KIF26B: variants seen among roughly 807,000 people sequenced by gnomAD.
KIF26B encodes the protein kinesin-like protein KIF26B.
In KIF26B, 63 loss-of-function variants were observed where a neutral mutation model predicts 151.2. The ratio of observed to expected loss-of-function variants is 0.42; its 90% CI spans 0.34 to 0.51. KIF26B has a LOEUF of 0.51. KIF26B is among the 20% of genes least tolerant of loss of function. The pLI, the probability that KIF26B is intolerant of heterozygous loss-of-function variation, is 0.07. For missense variants in KIF26B, 2,813 were observed against 2,913.6 expected (o/e 0.97, Z 0.79); for synonymous variants, 1,357 against 1,262.1 (o/e 1.08, Z -1.59).
At position 245,156,561 on chromosome 1, in the gene KIF26B, A is replaced by AGCG. The variant is rs1175052962; in HGVS notation, c.352_354dup (p.Gly118dup). 2.0e-6 allele frequency: 3 copies of AGCG among 1,532,020 alleles called. No homozygotes were observed. The highest frequency in any genetic ancestry group is 2.6e-6 in the Non-Finnish European group (3 of 1,145,712). The allele number at this position is 1,532,020 out of a possible 1,614,324, so 94.9% of individuals were successfully genotyped here. A position where few individuals can be genotyped will look rare whatever the true frequency, so the allele number is the denominator to read the frequency against. On this transcript the variant is annotated inframe_insertion, in exon 2 of 15. Coordinates refer to ENST00000407071, the MANE Select transcript of KIF26B (RefSeq NM_018012.4). ...CGGCACAGGCTCCCCGGGCTCCGGC[A>AGCG]GCGGCGGCGGCTCCTCCCCCGGCTC... is the stretch of plus-strand genomic sequence containing the variant.
chr1:245,681,300 C>G (rs1029381672), intron 10 of KIF26B, among the ~76,000 whole-genome samples: 3 of 152,052 alleles, frequency 2.0e-5, no homozygotes, highest in Non-Finnish European at 4.4e-5. Flanking sequence ...AGCTCCACCC[C>G]CCGGGTTCAC....
chr1:245,252,363 A>G (rs1670460319), intron 2 of KIF26B, among the ~76,000 whole-genome samples: 1 of 151,110 alleles, frequency 6.6e-6, no homozygotes, highest in Admixed American at 6.6e-5. Context: ...TGTTTTCTTT[A>G]TTACCTTTCG....
At chr1:245,314,332 A>G (rs866415015) in intron 2 of KIF26B, among the ~76,000 whole-genome samples, 10 of 152,188 alleles carry the variant, frequency 6.6e-5, no homozygotes, top group African/African-American at 2.2e-4. Context: ...GGCGCCTGGA[A>G]TCCCAGCTAC....
At chr1:245,520,798 C>T (rs1487414089) in intron 4 of KIF26B, among the ~76,000 whole-genome samples, 1 of 152,182 alleles carries the variant, frequency 6.6e-6, no homozygotes, top group African/African-American at 2.4e-5. Context: ...ACATGCCTTT[C>T]CCTATTAATG....
intron 3 of KIF26B, among the ~76,000 whole-genome samples, chr1:245,379,179 G>A (rs1294248611): frequency 6.6e-6 from 1 of 152,148 alleles, no homozygotes; most frequent in African/African-American, 2.4e-5. Context: ...TTGACATATT[G>A]CCAAAAAATC....
At position 245,616,572 on chromosome 1, in the gene KIF26B, T is replaced by C. The variant is rs1382843054; in HGVS notation, c.2098+4596T>C. On this transcript the variant is annotated intron_variant, in intron 9 of 14. Coordinates refer to ENST00000407071, the MANE Select transcript of KIF26B (RefSeq NM_018012.4). The stretch of plus-strand genomic sequence containing the variant: ...ATACAGATTTCATGTATGTTTCATA[T>C]ATGCCTTATAGACATAGCCTGAAGG... Among the ~76,000 whole-genome samples, 5 of 152,366 alleles carry C rather than the reference T, an allele frequency of 3.3e-5. No homozygotes were observed. In the East Asian group the frequency reaches 9.6e-4, roughly 29 times the overall value.
chr1:245,481,383 C>T (rs1240769348), intron 4 of KIF26B, among the ~76,000 whole-genome samples: 5 of 151,854 alleles, frequency 3.3e-5, no homozygotes, highest in African/African-American at 1.2e-4. Flanking sequence ...CTGAACCATT[C>T]CCGTGCTCAA....
At chr1:245,251,990 T>A (rs1303389514) in intron 2 of KIF26B, among the ~76,000 whole-genome samples, 1 of 152,162 alleles carries the variant, frequency 6.6e-6, no homozygotes, top group African/African-American at 2.4e-5. Flanking sequence ...TATCTGGTCT[T>A]GGCTTGGCCT....
At chr1:245,280,830 C>A (rs1470611200) in intron 2 of KIF26B, among the ~76,000 whole-genome samples, 1 of 107,252 alleles carries the variant, frequency 9.3e-6, no homozygotes, top group Non-Finnish European at 1.8e-5. Context: ...GTTCAGTTCC[C>A]ACCTATGAGT....
chr1:245,169,708 T>G (rs1401450934), intron 2 of KIF26B, among the ~76,000 whole-genome samples: 1 of 152,120 alleles, frequency 6.6e-6, no homozygotes, highest in African/African-American at 2.4e-5. Flanking sequence ...GGGAAGGAAG[T>G]TGCCCGGCTG....
intron 3 of KIF26B, among the ~76,000 whole-genome samples, chr1:245,418,216 C>A (rs1044769428): frequency 6.6e-6 from 1 of 152,148 alleles, no homozygotes; most frequent in African/African-American, 2.4e-5. Context: ...CAAAGGAAGC[C>A]GGAGGAGAGG....
intron 4 of KIF26B, among the ~76,000 whole-genome samples, chr1:245,515,376 T>C (rs996046880): frequency 6.6e-6 from 1 of 152,168 alleles, no homozygotes; most frequent in African/African-American, 2.4e-5. Context: ...TCGACTGTCA[T>C]CTCTGTCTTA....
chr1:245,411,434 G>A (rs1281503355), intron 3 of KIF26B, among the ~76,000 whole-genome samples: 5 of 152,190 alleles, frequency 3.3e-5, no homozygotes, highest in Non-Finnish European at 5.9e-5. Flanking sequence ...AGAGGAAGCC[G>A]TCCCAGGTTA....
At chr1:245,683,017 T>C (rs4658466) in intron 10 of KIF26B, among the ~76,000 whole-genome samples, 105,249 of 152,098 alleles carry the variant, frequency 0.69, 36,870 homozygotes, top group Non-Finnish European at 0.76. Flanking sequence ...GGAAGTGAGC[T>C]TTAGCCCAGC....
chr1:245,270,435 T>C (rs4658451), intron 2 of KIF26B, among the ~76,000 whole-genome samples: 73,498 of 149,778 alleles, frequency 0.49, 18,314 homozygotes, highest in East Asian at 0.61. Flanking sequence ...TTCCTTTCTT[T>C]TTGTGTTTCT....
chr1:245,305,521 C>T (rs1370420507), intron 2 of KIF26B, among the ~76,000 whole-genome samples: 1 of 152,108 alleles, frequency 6.6e-6, no homozygotes, highest in Non-Finnish European at 1.5e-5. Flanking sequence ...ATCAGGGAAA[C>T]ACAAGTCAAA....
chr1:245,637,174 A>G (rs527823982), intron 9 of KIF26B, among the ~76,000 whole-genome samples: 1 of 151,986 alleles, frequency 6.6e-6, no homozygotes, highest in African/African-American at 2.4e-5. Flanking sequence ...CCTCTCCAGC[A>G]TTTGTTTTTT....
At chr1:245,502,130 C>G (rs1266662344) in intron 4 of KIF26B, among the ~76,000 whole-genome samples, 5 of 152,208 alleles carry the variant, frequency 3.3e-5, no homozygotes, top group Non-Finnish European at 5.9e-5. Context: ...GTGAGTGCAG[C>G]ATGATTTCTT....
intron 4 of KIF26B, among the ~76,000 whole-genome samples, chr1:245,508,683 A>T (rs1469948823): frequency 6.6e-6 from 1 of 152,106 alleles, no homozygotes; most frequent in African/African-American, 2.4e-5. Flanking sequence ...CAGAAGAGTG[A>T]GTGTAAGTTC....
Sources: allele counts gnomAD v4.1 joint callset (sites outside exome capture counted in the v4.1 genomes callset), GRCh38; gene constraint gnomAD v4.1.1; transcripts MANE v1.5; gene names NCBI Gene and HGNC (gene_info 2026-07-23, HGNC 2026-07-21).